APBB2: variants seen among roughly 807,000 people sequenced by gnomAD.
APBB2 encodes the protein Fe65-like 1.
Under a neutral mutation model 82.5 loss-of-function variants are expected in APBB2, and 38 were observed. That is an observed-to-expected ratio of 0.46 (90% CI 0.36 to 0.60). The LOEUF (loss-of-function observed/expected upper bound fraction) is 0.60, where lower values mean the gene tolerates loss of function less well. APBB2 is among the 20% of genes least tolerant of loss of function. The probability of loss-of-function intolerance (pLI) is 0.00; values close to 1 mark genes in which losing one functional copy is unlikely to be tolerated. For missense variants in APBB2, 772 were observed against 972.3 expected (o/e 0.79, Z 2.74); for synonymous variants, 341 against 368.2 (o/e 0.93, Z 0.85).
intron 12 of APBB2, among the ~76,000 whole-genome samples, chr4:40,858,603 A>G (rs1378375177): frequency 6.6e-6 from 1 of 152,192 alleles, no homozygotes; most frequent in East Asian, 1.9e-4. Flanking sequence ...GTATTTAACT[A>G]TAGGTCTTGT....
At chr4:40,880,683 C>T in intron 12 of APBB2, 4 of 985,442 alleles carry the variant, frequency 4.1e-6, no homozygotes, top group Non-Finnish European at 4.8e-6. Flanking sequence ...ATCTCCCTCG[C>T]TCTGCATCCA....
rs775674243 is a variant in APBB2, at chr4:40,821,880, G to A, written c.2103C>T (p.Ala701=). 24 of 1,613,032 alleles carry A rather than the reference G, an allele frequency of 1.5e-5. No homozygotes were observed. The highest frequency in any genetic ancestry group is 9.9e-5 in the South Asian group (9 of 91,038). ...NAGNVSEAVQ[A]ACMLRYQKCL... ...TACCGGGATAACTCACCATGCAGGCGGCCTGCACCGCCTCAGACACGTTAC... is the reference window on the plus strand; with the variant it reads ...TACCGGGATAACTCACCATGCAGGCAGCCTGCACCGCCTCAGACACGTTAC... The change falls in exon 17 of 18, where the codon GCC becomes GCT. Residue 701 remains alanine (A), a synonymous_variant. Coordinates refer to ENST00000508593, the MANE Select transcript of APBB2 (RefSeq NM_004307.2).
At chr4:41,190,373 G>A (rs371335325) in intron 1 of APBB2, among the ~76,000 whole-genome samples, 21 of 144,988 alleles carry the variant, frequency 1.4e-4, no homozygotes, top group East Asian at 1.3e-3. Flanking sequence ...GCCTCAGCCC[G>A]CGAGTAGCTG....
chr4:41,182,281 C>T (rs1235043464), intron 1 of APBB2, among the ~76,000 whole-genome samples: 2 of 152,222 alleles, frequency 1.3e-5, no homozygotes, highest in African/African-American at 2.4e-5. Flanking sequence ...CACCAATGAC[C>T]TCCATGTTGC....
intron 6 of APBB2, among the ~76,000 whole-genome samples, chr4:41,009,921 A>T (rs982672114): frequency 6.6e-6 from 1 of 152,248 alleles, no homozygotes; most frequent in African/African-American, 2.4e-5. Flanking sequence ...ATTTAGACTG[A>T]TCATGATTAT....
At chr4:40,847,617 G>A (rs1332494426) in intron 12 of APBB2, among the ~76,000 whole-genome samples, 2 of 152,158 alleles carry the variant, frequency 1.3e-5, no homozygotes, top group Non-Finnish European at 2.9e-5. Context: ...TCCTGGCAAG[G>A]TGCAGACAAG....
At chr4:40,905,136 C>T (rs1306664153) in intron 10 of APBB2, among the ~76,000 whole-genome samples, 2 of 152,168 alleles carry the variant, frequency 1.3e-5, no homozygotes, top group African/African-American at 2.4e-5. Context: ...CCATGTAGCG[C>T]TTACCATGTG....
At chr4:40,847,680 G>C (rs1298557753) in intron 12 of APBB2, among the ~76,000 whole-genome samples, 1 of 152,180 alleles carries the variant, frequency 6.6e-6, no homozygotes, top group Non-Finnish European at 1.5e-5. Flanking sequence ...ACCTCTTGTG[G>C]ATATGGTGAA....
At chr4:41,198,675 T>C in intron 1 of APBB2, among the ~76,000 whole-genome samples, 1 of 152,178 alleles carries the variant, frequency 6.6e-6, no homozygotes, top group East Asian at 1.9e-4. Context: ...GAAACTGCTA[T>C]AAACTGGGTG....
At chr4:40,881,830 G>A (rs917410266) in intron 12 of APBB2, among the ~76,000 whole-genome samples, 4 of 151,782 alleles carry the variant, frequency 2.6e-5, no homozygotes, top group African/African-American at 7.3e-5. Context: ...CACTGCGCCC[G>A]GCCGAGACCC....
In APBB2 at chr4:40,893,407, A is replaced by T; in HGVS notation, c.1259T>A (p.Phe420Tyr). Reference protein sequence around the residue: ...SINSDPEAKCFAVRSLGWVEM... With the variant: ...SINSDPEAKCYAVRSLGWVEM... ...TACCCATCCCAGAGAACGCACAGCA[A>T]AACACTGGAAGACAGTGAAAGAGGA... The change falls in exon 11 of 18, where the codon TTT becomes TAT. Residue 420 changes from phenylalanine (F) to tyrosine (Y), a missense_variant. Phe to Tyr is a conservative substitution (Grantham distance 22). Transcript: ENST00000508593. 1 of 1,610,536 alleles carries T rather than the reference A, an allele frequency of 6.2e-7. No homozygotes were observed. Among genetic ancestry groups the T allele is most frequent in the South Asian group, 1.1e-5 (1 of 90,328 alleles).
chr4:40,899,928 G>A (rs1020265685), intron 10 of APBB2, among the ~76,000 whole-genome samples: 4 of 152,136 alleles, frequency 2.6e-5, no homozygotes, highest in Admixed American at 1.3e-4. Context: ...AGTCAGCCTC[G>A]GGGTACAGGA....
chr4:41,179,919 C>A (rs1770860576), intron 1 of APBB2, among the ~76,000 whole-genome samples: 1 of 152,186 alleles, frequency 6.6e-6, no homozygotes, highest in Non-Finnish European at 1.5e-5. Context: ...TATTTTAAAA[C>A]CTCAGGGAAA....
chr4:40,932,847 T>C (rs867359762), intron 10 of APBB2, among the ~76,000 whole-genome samples: 2 of 152,064 alleles, frequency 1.3e-5, no homozygotes, highest in Admixed American at 6.5e-5. Context: ...ATGCTTTCTC[T>C]TGGCTTGTTA....
At position 40,945,084 on chromosome 4, in the gene APBB2, G is replaced by A; in HGVS notation, c.836-11C>T. 7.0e-7 allele frequency: 1 copy of A among 1,422,074 alleles called. No individual in the cohort carries two copies. Among genetic ancestry groups the A allele is most frequent in the Non-Finnish European group, 9.7e-7 (1 of 1,027,470 alleles). The allele number at this position is 1,422,074 out of a possible 1,614,324, so 88.1% of individuals were successfully genotyped here. ...CACTCCATATATCTGCTGAAAAATT[G>A]GGGGGCGGGGCGGGGGGAGAAAGAG... On this transcript the variant is annotated splice_polypyrimidine_tract_variant and intron_variant, in intron 6 of 17. Transcript: ENST00000508593.
At chr4:40,849,175 G>A (rs1021356774) in intron 12 of APBB2, among the ~76,000 whole-genome samples, 7 of 152,168 alleles carry the variant, frequency 4.6e-5, no homozygotes, top group Non-Finnish European at 8.8e-5. Flanking sequence ...CACAGACAGC[G>A]CTTTTAAAAT....
intron 6 of APBB2, among the ~76,000 whole-genome samples, chr4:40,951,185 T>G (rs1790033371): frequency 6.6e-6 from 1 of 152,204 alleles, no homozygotes; most frequent in African/African-American, 2.4e-5. Context: ...TAGAAATGCT[T>G]TATTTCTTCA....
Position 40,945,072 on chromosome 4 carries a change from T to A in APBB2, c.837A>T (p.Ala279=). Residue 279 remains alanine (A), a splice_region_variant and synonymous_variant, in exon 7 of 18, where the codon GCA becomes GCT. Coordinates refer to ENST00000508593, the MANE Select transcript of APBB2 (RefSeq NM_004307.2). ...GAAATGAGTGATCACTCCATATATCTGCTGAAAAATTGGGGGGCGGGGCGG... is the reference window on the plus strand; with the variant it reads ...GAAATGAGTGATCACTCCATATATCAGCTGAAAAATTGGGGGGCGGGGCGG... ...SASPSSPDET[A]DIWSDHSFQT... is the part of the protein sequence containing the mutation. 1 of 1,150,262 alleles carries A rather than the reference T, an allele frequency of 8.7e-7. No individual in the cohort carries two copies. Among genetic ancestry groups the A allele is most frequent in the Non-Finnish European group, 1.2e-6 (1 of 835,900 alleles). 71.3% of individuals were successfully genotyped at this position (1,150,262 alleles called of 1,614,324 possible). A position where few individuals can be genotyped will look rare whatever the true frequency, so the allele number is the denominator to read the frequency against.
intron 5 of APBB2, among the ~76,000 whole-genome samples, chr4:41,031,874 T>C (rs1716963927): frequency 6.6e-6 from 1 of 152,212 alleles, no homozygotes; most frequent in Non-Finnish European, 1.5e-5. Flanking sequence ...CCAAAATTCA[T>C]ATATCTATTC....
Sources: allele counts gnomAD v4.1 joint callset (sites outside exome capture counted in the v4.1 genomes callset), GRCh38; gene constraint gnomAD v4.1.1; transcripts MANE v1.5; gene names NCBI Gene and HGNC (gene_info 2026-07-23, HGNC 2026-07-21).